Variants in FBXL5 observed in about 807,000 individuals in gnomAD.
The protein encoded by FBXL5 is F-box and leucine rich repeat protein 5.
Under a neutral mutation model 78.3 loss-of-function variants are expected in FBXL5, and 26 were observed. That is an observed-to-expected ratio of 0.33 (90% CI 0.24 to 0.46). The LOEUF (loss-of-function observed/expected upper bound fraction) is 0.46. FBXL5 is among the 20% of genes least tolerant of loss of function. FBXL5 has a pLI of 1.00. For missense variants in FBXL5, 710 were observed against 829.2 expected, an observed-to-expected ratio of 0.86 and a Z score of 1.77; for synonymous variants, 295 against 282.5, an observed-to-expected ratio of 1.04 and a Z score of -0.45.
At chr4:15,614,046 G>C (rs759350577) in intron 9 of FBXL5, among the ~76,000 whole-genome samples, 4 of 152,092 alleles carry the variant, frequency 2.6e-5, no homozygotes, top group Non-Finnish European at 5.9e-5. Context: ...TGTTTTTCTG[G>C]TTCCTTCTCA....
chr4:15,641,634 G>A (rs778939825), intron 2 of FBXL5: 7 of 449,100 alleles, frequency 1.6e-5, no homozygotes, highest in African/African-American at 6.8e-5. Context: ...TAGGCTGTAA[G>A]TAAAGTTTTG....
chr4:15,680,196 G>T (rs755014219), intron 1 of FBXL5, among the ~76,000 whole-genome samples: 8 of 152,018 alleles, frequency 5.3e-5, no homozygotes, highest in Non-Finnish European at 1.2e-4. Context: ...TCATCTGCTT[G>T]TATCTCTGCA....
intron 9 of FBXL5, among the ~76,000 whole-genome samples, chr4:15,613,125 T>C (rs1722380387): frequency 6.6e-6 from 1 of 152,160 alleles, no homozygotes. Flanking sequence ...CCATTAATAT[T>C]ATCATTCCAG....
intron 9 of FBXL5, among the ~76,000 whole-genome samples, chr4:15,622,880 C>T (rs372843063): frequency 6.6e-6 from 1 of 152,166 alleles, no homozygotes; most frequent in African/African-American, 2.4e-5. Context: ...CGCAAACTTT[C>T]TTTTCAAGAA....
intron 1 of FBXL5, among the ~76,000 whole-genome samples, chr4:15,651,983 C>T (rs1425234929): frequency 6.6e-6 from 1 of 152,160 alleles, no homozygotes; most frequent in Non-Finnish European, 1.5e-5. Flanking sequence ...GATTTCCATC[C>T]TAGCATAGAT....
At chr4:15,667,002 A>C (rs1256256394) in intron 1 of FBXL5, among the ~76,000 whole-genome samples, 1 of 152,178 alleles carries the variant, frequency 6.6e-6, no homozygotes, top group East Asian at 1.9e-4. Flanking sequence ...ATTATCAATC[A>C]AAATAATCGT....
chr4:15,662,165 G>A (rs1717342362), upstream of FBXL5, among the ~76,000 whole-genome samples: 1 of 152,212 alleles, frequency 6.6e-6, no homozygotes, highest in Non-Finnish European at 1.5e-5. Flanking sequence ...ACACAATGGT[G>A]TACCTAATAA....
intron 9 of FBXL5, among the ~76,000 whole-genome samples, chr4:15,615,305 C>A (rs190499309): frequency 5.3e-5 from 8 of 152,124 alleles, no homozygotes; most frequent in East Asian, 1.9e-4. Context: ...TGCAAGCACA[C>A]GGCGCGGGAC....
At chr4:15,652,161 T>G (rs1716158610) in intron 1 of FBXL5, among the ~76,000 whole-genome samples, 1 of 151,994 alleles carries the variant, frequency 6.6e-6, no homozygotes, top group Non-Finnish European at 1.5e-5. Context: ...ACTGAGAAAT[T>G]GAAGTAAAAT....
At chr4:15,650,424 T>G (rs1328757389) in intron 1 of FBXL5, among the ~76,000 whole-genome samples, 1 of 152,150 alleles carries the variant, frequency 6.6e-6, no homozygotes, top group Non-Finnish European at 1.5e-5. Context: ...GTTTAAATTT[T>G]TAATGCTGTT....
intron 1 of FBXL5, among the ~76,000 whole-genome samples, chr4:15,679,132 G>A (rs368427982): frequency 5.1e-4 from 75 of 148,074 alleles, no homozygotes; most frequent in African/African-American, 1.8e-3. Flanking sequence ...GCGTGATCTC[G>A]GCTCACTGCA....
upstream of FBXL5, among the ~76,000 whole-genome samples, chr4:15,658,657 C>G (rs1181624988): frequency 6.6e-6 from 1 of 152,172 alleles, no homozygotes; most frequent in Non-Finnish European, 1.5e-5. Flanking sequence ...GCCCCTTGAC[C>G]ATAGACTTCT....
At chr4:15,643,267 T>C (rs1042732126) in intron 2 of FBXL5, among the ~76,000 whole-genome samples, 4 of 152,354 alleles carry the variant, frequency 2.6e-5, no homozygotes, top group Admixed American at 2.6e-4. Flanking sequence ...TCTTTATCTT[T>C]AATCCATCCT....
upstream of FBXL5, among the ~76,000 whole-genome samples, chr4:15,663,518 C>G (rs1014083052): frequency 3.9e-5 from 6 of 152,174 alleles, no homozygotes; most frequent in African/African-American, 1.4e-4. Context: ...CAGGGTAAAA[C>G]AGAACCTCTT....
At chr4:15,679,886 C>T (rs1718147887) in intron 1 of FBXL5, among the ~76,000 whole-genome samples, 1 of 152,124 alleles carries the variant, frequency 6.6e-6, no homozygotes, top group South Asian at 2.1e-4. Flanking sequence ...CCTCTTGGAT[C>T]CAGCAATTCT....
intron 1 of FBXL5, among the ~76,000 whole-genome samples, chr4:15,651,060 G>T (rs1056807031): frequency 6.6e-6 from 1 of 152,024 alleles, no homozygotes; most frequent in Non-Finnish European, 1.5e-5. Context: ...ATAAGAAAAC[G>T]GCATAACAAA....
intron 3 of FBXL5, 68 bp from the exon 4 acceptor site, chr4:15,638,762 A>T: frequency 1.0e-6 from 1 of 993,272 alleles, no homozygotes; most frequent in South Asian, 1.7e-5. Context: ...AACCCTTTTA[A>T]ATTATTAATG....
At chr4:15,676,359 T>C (rs1002177984) in intron 1 of FBXL5, among the ~76,000 whole-genome samples, 1 of 152,100 alleles carries the variant, frequency 6.6e-6, no homozygotes, top group African/African-American at 2.4e-5. Context: ...TGAAAGATTG[T>C]ATGAGGATGG....
intron 1 of FBXL5, among the ~76,000 whole-genome samples, chr4:15,653,171 A>G (rs1716341207): frequency 6.6e-6 from 1 of 152,184 alleles, no homozygotes; most frequent in Non-Finnish European, 1.5e-5. Context: ...TTCGTGATAA[A>G]CGTATACAAC....
Sources: allele counts gnomAD v4.1 joint callset (sites outside exome capture counted in the v4.1 genomes callset), GRCh38; gene constraint gnomAD v4.1.1; transcripts MANE v1.5; gene names NCBI Gene and HGNC (gene_info 2026-07-23, HGNC 2026-07-21).